The following SEMA5A variants were observed in gnomAD, a reference collection of about 807,000 sequenced individuals.
The protein encoded by SEMA5A is semaphorin-5A.
SEMA5A carries 55 observed loss-of-function variants against 135.5 expected under a neutral mutation model. The ratio of observed to expected loss-of-function variants is 0.41; its 90% CI spans 0.33 to 0.51. SEMA5A has a LOEUF of 0.51. Ranked by LOEUF, SEMA5A falls within the 20% of genes least tolerant of loss-of-function variation. The pLI, the probability that SEMA5A is intolerant of heterozygous loss-of-function variation, is 0.37. For synonymous variants in SEMA5A, 580 were observed against 546.5 expected (o/e 1.06, Z -0.85); for missense variants, 1,290 against 1,419.9 (o/e 0.91, Z 1.47).
At chr5:9,218,778 T>C (rs1746771189) in intron 8 of SEMA5A, among the ~76,000 whole-genome samples, 1 of 152,240 alleles carries the variant, frequency 6.6e-6, no homozygotes, top group African/African-American at 2.4e-5. Flanking sequence ...TGGTGATGGA[T>C]GTAGCTTGAA....
chr5:9,358,510 C>T (rs1279829162), intron 3 of SEMA5A, among the ~76,000 whole-genome samples: 1 of 152,212 alleles, frequency 6.6e-6, no homozygotes, highest in Non-Finnish European at 1.5e-5. Context: ...CTCTCAGGTC[C>T]TATGCTGCAG....
chr5:9,120,081 T>A (rs1163045196), intron 14 of SEMA5A, among the ~76,000 whole-genome samples: 5 of 152,206 alleles, frequency 3.3e-5, no homozygotes, highest in African/African-American at 1.2e-4. Context: ...TACATAGGTT[T>A]TTTTTTAAAA....
intron 1 of SEMA5A, among the ~76,000 whole-genome samples, chr5:9,486,229 A>T (rs1734714725): frequency 1.3e-5 from 2 of 152,174 alleles, no homozygotes; most frequent in African/African-American, 4.8e-5. Flanking sequence ...ATGAGAACAC[A>T]TGGACACAGG....
chr5:9,324,984 A>G (rs972586076), intron 4 of SEMA5A, among the ~76,000 whole-genome samples: 1 of 152,216 alleles, frequency 6.6e-6, no homozygotes, highest in African/African-American at 2.4e-5. Context: ...TAATCTTCAT[A>G]ACACCCCTAG....
intron 3 of SEMA5A, among the ~76,000 whole-genome samples, chr5:9,345,115 C>G (rs187282110): frequency 6.6e-6 from 1 of 152,260 alleles, no homozygotes; most frequent in East Asian, 1.9e-4. Context: ...GAAAATCATG[C>G]AAACAATTGA....
Position 9,231,463 on chromosome 5 carries a change from C to T in SEMA5A, c.334-4496G>A, listed in dbSNP as rs1235162965. Among the ~76,000 whole-genome samples, 33 of 30,482 alleles carry T rather than the reference C, an allele frequency of 1.1e-3. No individual in the cohort carries two copies. The East Asian group carries it at 0.03, about 28-fold the overall frequency. The allele number at this position is 30,482 out of a possible 152,430, so 20.0% of individuals were successfully genotyped here. ...GCCTGAGTACAGAGCAAGACTCCAT[C>T]TCAAAAAAAAAAAAAAAAAAAAAAA... On this transcript the variant is annotated intron_variant, in intron 6 of 22. Transcript: ENST00000382496.
chr5:9,153,933 C>A (rs1183531902), intron 12 of SEMA5A, among the ~76,000 whole-genome samples: 1 of 149,924 alleles, frequency 6.7e-6, no homozygotes, highest in African/African-American at 2.5e-5. Flanking sequence ...GTATTCCCAG[C>A]TACTTGGGAG....
intron 2 of SEMA5A, among the ~76,000 whole-genome samples, chr5:9,434,148 AT>A (rs1362638102): frequency 1.3e-5 from 2 of 152,234 alleles, no homozygotes; most frequent in African/African-American, 2.4e-5. Flanking sequence ...AGGAAATGAC[AT>A]TACAGTGCCT....
chr5:9,518,011 G>A (rs1736621255), intron 1 of SEMA5A: 1 of 152,024 alleles, frequency 6.6e-6, no homozygotes, highest in Non-Finnish European at 1.5e-5. Context: ...AGTAACTATG[G>A]AAACCAGACA....
At position 9,038,759 on chromosome 5, in the gene SEMA5A, C is replaced by G. The variant is rs530300073; in HGVS notation, c.*4138G>C. ...TTTTTTTTTTTTTGAGACAGGGTCTCTCTCTGTCACCCAGGATGGAGTGCA... is the reference window on the plus strand; with the variant it reads ...TTTTTTTTTTTTTGAGACAGGGTCTGTCTCTGTCACCCAGGATGGAGTGCA... On this transcript the variant is annotated 3_prime_UTR_variant, in exon 23 of 23. Coordinates refer to ENST00000382496, the MANE Select transcript of SEMA5A (RefSeq NM_003966.3). 85 of 147,714 alleles carry G rather than the reference C, an allele frequency of 5.8e-4. No individual in the cohort carries two copies. The highest frequency in any genetic ancestry group is 2.0e-3 in the African/African-American group (81 of 39,858). 9.2% of individuals were successfully genotyped at this position (147,714 alleles called of 1,614,324 possible).
chr5:9,271,244 T>C (rs1749958020), intron 5 of SEMA5A, among the ~76,000 whole-genome samples: 1 of 152,158 alleles, frequency 6.6e-6, no homozygotes, highest in Non-Finnish European at 1.5e-5. Context: ...CCTTCCACCA[T>C]AATTGTAAGT....
rs184376755 is a variant in SEMA5A at position 9,248,165 on chromosome 5, T to C, written c.271-10275A>G. ...ATAAGAGCTCCATCTAAGAAAAAAG[T>C]CCAAAAGCATTTCAAGTGTGAGAAT... is the stretch of plus-strand genomic sequence containing the variant. On this transcript the variant is annotated intron_variant, in intron 5 of 22. Coordinates refer to ENST00000382496, the MANE Select transcript of SEMA5A (RefSeq NM_003966.3). 8.5e-5 allele frequency among the ~76,000 whole-genome samples: 13 copies of C among 152,252 alleles called. No homozygotes were observed. In the East Asian group the frequency reaches 2.5e-3, roughly 29 times the overall value.
At chr5:9,101,193 G>C (rs1005924386) in intron 16 of SEMA5A, among the ~76,000 whole-genome samples, 1 of 152,182 alleles carries the variant, frequency 6.6e-6, no homozygotes, top group African/African-American at 2.4e-5. Context: ...AAGCTCATTG[G>C]TGTTTAAGTT....
intron 1 of SEMA5A, among the ~76,000 whole-genome samples, chr5:9,496,960 T>C (rs951026984): frequency 1.3e-5 from 2 of 152,238 alleles, no homozygotes; most frequent in East Asian, 1.9e-4. Flanking sequence ...TGTGTTTTAA[T>C]ATGCATAGAG....
intron 1 of SEMA5A, among the ~76,000 whole-genome samples, chr5:9,454,281 T>G (rs776866604): frequency 6.6e-6 from 1 of 152,214 alleles, no homozygotes; most frequent in Non-Finnish European, 1.5e-5. Flanking sequence ...GATCCTCATC[T>G]TCTCATCAGA....
intron 8 of SEMA5A, among the ~76,000 whole-genome samples, chr5:9,208,512 C>T (rs1271865215): frequency 6.6e-6 from 1 of 152,142 alleles, no homozygotes; most frequent in East Asian, 1.9e-4. Context: ...TATGGAGGGC[C>T]AGGGCAGCTG....
At position 9,535,740 on chromosome 5, in the gene SEMA5A, G is replaced by A. The variant is rs1248579657; in HGVS notation, c.-175+9844C>T. Reference sequence around the variant, plus strand: ...TGGAAAAGAGGGGGGCCTTTAAGAAGCATAGCCTGGAAACTCCAGATTTTT... The same window carrying A: ...TGGAAAAGAGGGGGGCCTTTAAGAAACATAGCCTGGAAACTCCAGATTTTT... On this transcript the variant is annotated intron_variant, in intron 1 of 22. Coordinates refer to ENST00000382496, the MANE Select transcript of SEMA5A (RefSeq NM_003966.3). Among the ~76,000 whole-genome samples, 8 of 152,080 alleles carry A rather than the reference G, an allele frequency of 5.3e-5. No homozygotes were observed. In the East Asian group the frequency reaches 1.5e-3, roughly 29 times the overall value.
At chr5:9,455,954 A>T (rs1443612402) in intron 1 of SEMA5A, among the ~76,000 whole-genome samples, 2 of 152,180 alleles carry the variant, frequency 1.3e-5, no homozygotes, top group Non-Finnish European at 2.9e-5. Context: ...GGGACACATT[A>T]TGGAGAATCT....
chr5:9,291,067 A>G (rs1334700396), intron 5 of SEMA5A, among the ~76,000 whole-genome samples: 3 of 152,218 alleles, frequency 2.0e-5, no homozygotes, highest in African/African-American at 7.2e-5. Context: ...TAAACATTCT[A>G]GAAACAGAAT....
Sources: gnomAD v4.1 joint callset for allele counts (sites outside exome capture counted in the v4.1 genomes callset) on GRCh38, gnomAD v4.1.1 for gene constraint, MANE v1.5 for transcripts, NCBI Gene and HGNC (gene_info 2026-07-23, HGNC 2026-07-21) for gene names.